Variants in RASSF8 observed in about 807,000 individuals in gnomAD.
RASSF8 encodes Ras association domain family member 8.
A neutral mutation model predicts 48.5 loss-of-function variants in RASSF8; 22 were observed. That is an observed-to-expected ratio of 0.45 (90% CI 0.32 to 0.65). The LOEUF is 0.65. Among genes scored for constraint, RASSF8 ranks in the 30% least tolerant of loss-of-function variants. The probability of loss-of-function intolerance (pLI) is 0.03; values close to 1 mark genes in which losing one functional copy is unlikely to be tolerated. For synonymous variants in RASSF8, 127 were observed against 171.5 expected, an observed-to-expected ratio of 0.74 and a Z score of 2.03; for missense variants, 418 against 489.2, an observed-to-expected ratio of 0.85 and a Z score of 1.37.
At chr12:25,967,752 T>A (rs1941391881) in intron 1 of RASSF8, among the ~76,000 whole-genome samples, 1 of 152,208 alleles carries the variant, frequency 6.6e-6, no homozygotes, top group Non-Finnish European at 1.5e-5. Flanking sequence ...CTCCATGAAC[T>A]CTGAATAATC....
intron 2 of RASSF8, among the ~76,000 whole-genome samples, chr12:26,041,620 C>T (rs941502842): frequency 2.0e-5 from 3 of 152,044 alleles, no homozygotes; most frequent in African/African-American, 7.2e-5. Flanking sequence ...TATATATCTA[C>T]ATACATAAAT....
intron 2 of RASSF8, among the ~76,000 whole-genome samples, chr12:26,002,077 T>C (rs570766031): frequency 6.6e-5 from 10 of 152,354 alleles, no homozygotes; most frequent in African/African-American, 2.2e-4. Context: ...TGGTCCATCG[T>C]TGACTAAAAC....
chr12:25,992,771 C>A (rs1377917534), intron 1 of RASSF8, among the ~76,000 whole-genome samples: 3 of 152,158 alleles, frequency 2.0e-5, no homozygotes, highest in Non-Finnish European at 4.4e-5. Flanking sequence ...CCTGCAGTTT[C>A]CTGAGACCGT....
chr12:25,995,992 C>G (rs557191481), intron 2 of RASSF8, among the ~76,000 whole-genome samples: 11 of 152,288 alleles, frequency 7.2e-5, no homozygotes, highest in Admixed American at 4.6e-4. Flanking sequence ...AAATAAAAAA[C>G]TTTAACTTCA....
chr12:25,961,583 A>T (rs768728265), intron 1 of RASSF8, among the ~76,000 whole-genome samples: 2 of 152,126 alleles, frequency 1.3e-5, no homozygotes. Flanking sequence ...GTCACTCCCG[A>T]GGTGAGTGAG....
intron 3 of RASSF8, among the ~76,000 whole-genome samples, chr12:26,063,807 GC>G (rs1943801649): frequency 6.6e-6 from 1 of 151,650 alleles, no homozygotes. Flanking sequence ...TTCTCTTCAG[GC>G]CCCTCTTTTT....
At position 25,971,511 on chromosome 12, in the gene RASSF8, T is replaced by C. The variant is rs556127661; in HGVS notation, c.-203+12363T>C. 2.0e-5 allele frequency among the ~76,000 whole-genome samples: 3 copies of C among 152,316 alleles called. No homozygotes were observed. The South Asian group carries it at 6.2e-4, about 32-fold the overall frequency. On this transcript the variant is annotated intron_variant, in intron 1 of 5. Coordinates refer to ENST00000689635, the MANE Select transcript of RASSF8 (RefSeq NM_001394098.1). The stretch of plus-strand genomic sequence containing the variant: ...CTCTCTTCTGTGTTCTGGTCGGTCA[T>C]TAATGCTTGTACTTCATCCTTTGCC...
intron 3 of RASSF8, among the ~76,000 whole-genome samples, chr12:26,056,354 C>T (rs1182657281): frequency 2.0e-5 from 3 of 152,120 alleles, no homozygotes; most frequent in Admixed American, 2.0e-4. Context: ...TAAACACCTG[C>T]ATCAGAAAAA....
chr12:26,065,359 C>A lies in RASSF8; in HGVS notation c.965C>A (p.Ser322Tyr). The change falls in exon 4 of 6, where the codon TCT becomes TAT. Residue 322 changes from serine (S) to tyrosine (Y), a missense_variant. Ser to Tyr is a moderately radical substitution (Grantham distance 144). Transcript: ENST00000689635. ...AATGGCATCAAAGCTGTGGAAAGATCTCTTGGACAAGCCACCAAACGCTTA... is the reference window on the plus strand; with the variant it reads ...AATGGCATCAAAGCTGTGGAAAGATATCTTGGACAAGCCACCAAACGCTTA... ...LENGIKAVER[S>Y]LGQATKRLQD... The A allele has an allele frequency of 6.2e-7, 1 of 1,613,010 alleles. No homozygotes were observed. The highest frequency in any genetic ancestry group is 8.5e-7 in the Non-Finnish European group (1 of 1,179,362).
chr12:25,961,292 A>G (rs572087936), intron 1 of RASSF8, among the ~76,000 whole-genome samples: 36 of 152,348 alleles, frequency 2.4e-4, no homozygotes, highest in Middle Eastern at 3.4e-3. Flanking sequence ...ATTATAAAAC[A>G]TTAAGATCTT....
intron 1 of RASSF8, among the ~76,000 whole-genome samples, chr12:25,968,365 C>G (rs1941406343): frequency 6.6e-6 from 1 of 152,022 alleles, no homozygotes; most frequent in South Asian, 2.1e-4. Context: ...TTTTTTGAGA[C>G]AGAGTCTCGC....
Position 26,069,462 on chromosome 12 carries a change from T to C in RASSF8, c.*644T>C, listed in dbSNP as rs1591822665. On this transcript the variant is annotated 3_prime_UTR_variant, in exon 6 of 6. Transcript: ENST00000689635. ...CTGGAATTTAGTCGTTCCTTTACAATATTTCCAAATATACGTGTGGCCACA... is the reference window on the plus strand; with the variant it reads ...CTGGAATTTAGTCGTTCCTTTACAACATTTCCAAATATACGTGTGGCCACA... 1 of 985,466 alleles carries C rather than the reference T, an allele frequency of 1.0e-6. No individual in the cohort carries two copies. The highest frequency in any genetic ancestry group is 1.1e-4 in the East Asian group (1 of 8,820). 61.0% of individuals were successfully genotyped at this position (985,466 alleles called of 1,614,324 possible).
chr12:25,992,112 A>G (rs1022264938), intron 1 of RASSF8, among the ~76,000 whole-genome samples: 3 of 152,220 alleles, frequency 2.0e-5, no homozygotes, highest in African/African-American at 7.2e-5. Context: ...GGTGAGCAGG[A>G]CTTTCACTGA....
rs144052925 is a variant in RASSF8 at position 26,071,301 on chromosome 12, G to A, written c.*2483G>A. The A allele has an allele frequency of 2.1e-4, 204 of 982,872 alleles. No homozygotes were observed. In the East Asian group the frequency reaches 8.3e-3, roughly 40 times the overall value. The allele number at this position is 982,872 out of a possible 1,614,324, so 60.9% of individuals were successfully genotyped here. A position where few individuals can be genotyped will look rare whatever the true frequency, so the allele number is the denominator to read the frequency against. ...AAGTGCCACATCCTGGATACATTTC[G>A]GAGGGGTAGTGGGCAATGGTATACA... On this transcript the variant is annotated 3_prime_UTR_variant, in exon 6 of 6. Transcript: ENST00000689635.
intron 2 of RASSF8, 50 bp downstream of exon 2, chr12:25,995,180 T>C (rs1942104483): frequency 6.6e-6 from 1 of 152,048 alleles, no homozygotes; most frequent in Admixed American, 6.6e-5. Flanking sequence ...CCTAGAAGAG[T>C]AGCACTTTCA....
In RASSF8 at chr12:26,040,453, AGTATTTT is replaced by A. The variant is rs1422038755; in HGVS notation, c.-108-14780_-108-14774del. On this transcript the variant is annotated intron_variant, in intron 2 of 5. Transcript: ENST00000689635. ...GTGGCATCTTACCCGGAGGAGGAAAAGTATTTTGTTCTAAAGTTTGGAAGAGGCAGGA... is the reference window on the plus strand; with the variant it reads ...GTGGCATCTTACCCGGAGGAGGAAAAGTTCTAAAGTTTGGAAGAGGCAGGA... 3.3e-5 allele frequency among the ~76,000 whole-genome samples: 5 copies of A among 152,190 alleles called. No homozygotes were observed. The East Asian group carries it at 9.6e-4, about 29-fold the overall frequency.
intron 1 of RASSF8, among the ~76,000 whole-genome samples, chr12:25,986,466 C>A (rs1941878247): frequency 6.6e-6 from 1 of 152,150 alleles, no homozygotes; most frequent in Admixed American, 6.6e-5. Flanking sequence ...CTCTTTGAAG[C>A]CTTAATTTCA....
downstream of RASSF8, among the ~76,000 whole-genome samples, chr12:26,076,197 C>T (rs1433978752): frequency 1.3e-5 from 2 of 152,034 alleles, no homozygotes. Context: ...CTTCAGTCTC[C>T]TCTCTCCTGA....
chr12:26,049,235 G>C (rs931304220), intron 2 of RASSF8, among the ~76,000 whole-genome samples: 1 of 152,202 alleles, frequency 6.6e-6, no homozygotes, highest in South Asian at 2.1e-4. Flanking sequence ...GAAGGGATGG[G>C]AAGAAATGAC....
Sources: allele counts gnomAD v4.1 joint callset (sites outside exome capture counted in the v4.1 genomes callset), GRCh38; gene constraint gnomAD v4.1.1; transcripts MANE v1.5; gene names NCBI Gene and HGNC (gene_info 2026-07-23, HGNC 2026-07-21).